The following CSMD1 variants were observed in gnomAD, a reference collection of about 807,000 sequenced individuals.
CSMD1 encodes the protein CUB and Sushi multiple domains 1.
CSMD1 carries 213 observed loss-of-function variants against 417.5 expected under a neutral mutation model. That is an observed-to-expected ratio of 0.51 (90% confidence interval 0.46 to 0.57). The LOEUF is 0.57. Among genes scored for constraint, CSMD1 ranks in the 20% least tolerant of loss-of-function variants. The pLI, the probability that CSMD1 is intolerant of heterozygous loss-of-function variation, is 0.00. For missense variants in CSMD1, 6,923 were observed against 4,529.7 expected (o/e 1.53, Z -15.17); for synonymous variants, 2,862 against 1,736.8 (o/e 1.65, Z -16.11).
intron 7 of CSMD1, among the ~76,000 whole-genome samples, chr8:3,675,063 C>T (rs917914382): frequency 4.6e-5 from 7 of 152,130 alleles, no homozygotes; most frequent in Non-Finnish European, 1.0e-4. Flanking sequence ...CTTTTGGAAA[C>T]CTGACGAATA....
At chr8:3,473,191 G>A (rs901584278) in intron 11 of CSMD1, among the ~76,000 whole-genome samples, 1 of 152,092 alleles carries the variant, frequency 6.6e-6, no homozygotes, top group Admixed American at 6.6e-5. Flanking sequence ...ACTGAACTTT[G>A]CTTTAATTTA....
intron 1 of CSMD1, among the ~76,000 whole-genome samples, chr8:4,645,543 G>C (rs1803466397): frequency 6.8e-6 from 1 of 146,478 alleles, no homozygotes; most frequent in Admixed American, 7.1e-5. Context: ...ATTAAGCCTT[G>C]AACATATTGC....
At chr8:4,333,016 G>A (rs905493428) in intron 3 of CSMD1, among the ~76,000 whole-genome samples, 33 of 150,996 alleles carry the variant, frequency 2.2e-4, no homozygotes, top group African/African-American at 8.1e-4. Context: ...TAGCAACAAT[G>A]TATTTCTCAT....
chr8:4,563,693 C>T (rs967154539), intron 2 of CSMD1, among the ~76,000 whole-genome samples: 22 of 152,130 alleles, frequency 1.4e-4, no homozygotes, highest in African/African-American at 5.3e-4. Flanking sequence ...AAGGAAATTC[C>T]TCCTTCTTTA....
At chr8:3,769,599 G>C (rs1287236659) in intron 5 of CSMD1, among the ~76,000 whole-genome samples, 1 of 152,024 alleles carries the variant, frequency 6.6e-6, no homozygotes, top group Non-Finnish European at 1.5e-5. Context: ...ATATAAAAGT[G>C]AAGTATCTAT....
At chr8:3,068,979 A>G (rs1369755976) in intron 49 of CSMD1, among the ~76,000 whole-genome samples, 1 of 152,112 alleles carries the variant, frequency 6.6e-6, no homozygotes, top group Non-Finnish European at 1.5e-5. Flanking sequence ...AAAGTTCATA[A>G]CTCATTCCAG....
chr8:3,353,969 G>C (rs920122013), intron 21 of CSMD1, among the ~76,000 whole-genome samples: 1 of 152,092 alleles, frequency 6.6e-6, no homozygotes, highest in African/African-American at 2.4e-5. Context: ...AGTCTGCTTG[G>C]CCTGCTGTAA....
Position 4,124,694 on chromosome 8 carries a change from G to C in CSMD1, c.416-92595C>G, listed in dbSNP as rs186986642. On this transcript the variant is annotated intron_variant, in intron 3 of 69. Coordinates refer to ENST00000635120, the MANE Select transcript of CSMD1 (RefSeq NM_033225.6). ...TCTGGCTGGACTTCCTAGGTCAATA[G>C]GGACTTCCCTAAGGGGGCTTTTCCC... Among the ~76,000 whole-genome samples, 365 of 152,294 alleles carry C rather than the reference G, an allele frequency of 2.4e-3. 4 individuals are homozygous for C. Among genetic ancestry groups the C allele is most frequent in the African/African-American group, 8.3e-3 (345 of 41,572 alleles).
intron 2 of CSMD1, among the ~76,000 whole-genome samples, chr8:4,488,173 G>C (rs1026374671): frequency 2.6e-5 from 4 of 152,144 alleles, no homozygotes; most frequent in African/African-American, 7.2e-5. Flanking sequence ...ACAGCTTCCA[G>C]AACTGTGAGA....
intron 1 of CSMD1, among the ~76,000 whole-genome samples, chr8:4,687,097 C>T (rs985578569): frequency 7.9e-5 from 12 of 152,208 alleles, no homozygotes; most frequent in Non-Finnish European, 2.9e-5. Context: ...CAGGCTAACT[C>T]TGTGGTCGAT....
At chr8:3,889,082 G>T (rs952993255) in intron 5 of CSMD1, among the ~76,000 whole-genome samples, 5 of 151,830 alleles carry the variant, frequency 3.3e-5, no homozygotes, top group African/African-American at 1.2e-4. Context: ...TTTTTCTGCT[G>T]GTGACCAATT....
chr8:4,779,561 A>T (rs945917582), intron 1 of CSMD1, among the ~76,000 whole-genome samples: 4 of 152,214 alleles, frequency 2.6e-5, no homozygotes, highest in Admixed American at 2.0e-4. Context: ...GTCAAGAACA[A>T]AACGGATATC....
intron 1 of CSMD1, among the ~76,000 whole-genome samples, chr8:4,666,750 T>A (rs372240112): frequency 1.0e-3 from 153 of 152,310 alleles, no homozygotes; most frequent in African/African-American, 3.7e-3. Context: ...TACAGTCAAG[T>A]CCTTCATCAG....
intron 2 of CSMD1, among the ~76,000 whole-genome samples, chr8:4,548,694 G>C (rs1013226104): frequency 6.6e-6 from 1 of 151,982 alleles, no homozygotes; most frequent in Non-Finnish European, 1.5e-5. Context: ...TGTCTACAAA[G>C]CATTTCTCTT....
chr8:3,090,032 G>T (rs184754383), intron 48 of CSMD1, among the ~76,000 whole-genome samples: 1 of 151,930 alleles, frequency 6.6e-6, no homozygotes, highest in Non-Finnish European at 1.5e-5. Flanking sequence ...TCTGACTATC[G>T]GCCGGGCGCG....
chr8:3,181,089 T>C (rs190059585), intron 37 of CSMD1, 21 bp downstream of exon 37: 7 of 1,507,448 alleles, frequency 4.6e-6, no homozygotes, highest in Admixed American at 1.7e-5. Flanking sequence ...GGAAGCTGTA[T>C]ACAGAAAGAG....
At chr8:4,812,430 T>G (rs533763602) in intron 1 of CSMD1, among the ~76,000 whole-genome samples, 4 of 152,280 alleles carry the variant, frequency 2.6e-5, no homozygotes, top group African/African-American at 9.6e-5. Flanking sequence ...AATTTCTAAG[T>G]AGGTAAAAAG....
intron 18 of CSMD1, among the ~76,000 whole-genome samples, chr8:3,377,100 C>G (rs1344543807): frequency 6.6e-6 from 1 of 152,032 alleles, no homozygotes; most frequent in Non-Finnish European, 1.5e-5. Flanking sequence ...CCTTGACCAC[C>G]TGGGCTCAAG....
intron 2 of CSMD1, among the ~76,000 whole-genome samples, chr8:4,568,883 C>T (rs111995193): frequency 0.014 from 2,055 of 152,212 alleles, 48 homozygotes; most frequent in African/African-American, 0.046. Context: ...GATGATGATC[C>T]TTTTTTTCAT....
Sources: allele counts gnomAD v4.1 joint callset (sites outside exome capture counted in the v4.1 genomes callset), GRCh38; gene constraint gnomAD v4.1.1; transcripts MANE v1.5; gene names NCBI Gene and HGNC (gene_info 2026-07-23, HGNC 2026-07-21).